Variants in FAM184A observed in about 807,000 individuals in gnomAD.
FAM184A encodes the protein protein FAM184A.
A neutral mutation model predicts 143.8 loss-of-function variants in FAM184A; 99 were observed. The observed-to-expected ratio is 0.69, with a 90% CI of 0.58 to 0.81. The LOEUF is 0.81. Among genes scored for constraint, FAM184A ranks in the 40% least tolerant of loss-of-function variants. The pLI is 0.00. For missense variants in FAM184A, 1,217 were observed against 1,310.5 expected, an observed-to-expected ratio of 0.93 and a Z score of 1.10; for synonymous variants, 427 against 446.4, an observed-to-expected ratio of 0.96 and a Z score of 0.55.
At chr6:119,038,198 TA>T (rs909683733) in intron 1 of FAM184A, among the ~76,000 whole-genome samples, 4 of 151,732 alleles carry the variant, frequency 2.6e-5, no homozygotes, top group African/African-American at 7.3e-5. Context: ...CCTACACTAG[TA>T]AAAAAAATAA....
chr6:119,022,847 C>T, intron 3 of FAM184A, 98 bp downstream of exon 3: 15 of 1,455,672 alleles, frequency 1.0e-5, no homozygotes, highest in Non-Finnish European at 1.3e-5. Flanking sequence ...ACTGCACTCC[C>T]GTCTGGGCGA....
intron 1 of FAM184A, among the ~76,000 whole-genome samples, chr6:119,122,924 GAAAAAAAAAAAAAAAAAAAAAAAAAAAA>G (rs766414096): frequency 2.8e-4 from 8 of 29,030 alleles, no homozygotes; most frequent in African/African-American, 9.1e-4. Context: ...GACCCTGTCT[GAAAAAAAAAAAAAAAAAAAAAAAAAAAA>G]AAAAAAAAAA....
At chr6:119,137,121 A>T (rs961022590) in intron 1 of FAM184A, among the ~76,000 whole-genome samples, 9 of 152,350 alleles carry the variant, frequency 5.9e-5, no homozygotes, top group African/African-American at 2.2e-4. Context: ...AGACTGTTTA[A>T]AGTAGAAATT....
intron 9 of FAM184A, among the ~76,000 whole-genome samples, chr6:118,985,313 C>A (rs1343933390): frequency 6.6e-6 from 1 of 152,224 alleles, no homozygotes; most frequent in Non-Finnish European, 1.5e-5. Flanking sequence ...GTAAGTATCA[C>A]ATAGAGAAAC....
rs183255840 is a variant in FAM184A at position 119,036,540 on chromosome 6, G to A, written c.160-11727C>T. ...TGGAGGTATCTTTGTGTATGGTAAT[G>A]TGGAATACATCTGTTTCCCCAGATT... On this transcript the variant is annotated intron_variant, in intron 1 of 17. Transcript: ENST00000338891. Among the ~76,000 whole-genome samples, 120 of 152,084 alleles carry A rather than the reference G, an allele frequency of 7.9e-4. 2 individuals carry two copies. The highest frequency in any genetic ancestry group is 3.4e-3 in the Middle Eastern group (1 of 294).
rs909601258 is a variant in FAM184A at position 118,979,384 on chromosome 6, A to G, written c.2436T>C (p.Asp812=). 1.2e-6 allele frequency: 2 copies of G among 1,611,174 alleles called. No homozygotes were observed. The highest frequency in any genetic ancestry group is 2.7e-5 in the African/African-American group (2 of 74,772). Residue 812 remains aspartate, a synonymous_variant, in exon 11 of 18, where the codon GAT becomes GAC. Coordinates refer to ENST00000338891, the MANE Select transcript of FAM184A (RefSeq NM_024581.6). ...ELQTLRFELE[D]EGKAMLASLR... ...AAATACCAAGCATAGCCTTTCCTTC[A>G]TCTTCTAATTCAAACCGAAGAGTCT...
chr6:118,999,220 T>C (rs1032346606), intron 9 of FAM184A, among the ~76,000 whole-genome samples: 2 of 152,200 alleles, frequency 1.3e-5, no homozygotes, highest in Non-Finnish European at 1.5e-5. Flanking sequence ...GTACATGGTA[T>C]CCATTCAAGA....
chr6:119,147,068 T>A (rs956281303), intron 1 of FAM184A, among the ~76,000 whole-genome samples: 4 of 123,576 alleles, frequency 3.2e-5, no homozygotes, highest in African/African-American at 1.2e-4. Context: ...GGCTCTGTTT[T>A]TTTTTTTTTT....
At chr6:119,041,976 T>TGCCACCATCTTGGAAGCGGCCC (rs1196477186) in intron 1 of FAM184A, among the ~76,000 whole-genome samples, 1 of 152,096 alleles carries the variant, frequency 6.6e-6, no homozygotes. Context: ...ACACGAGGCT[T>TGCCACCATCTTGGAAGCGGCCC]GCCACCATCT....
chr6:118,961,982 A>G lies in FAM184A; in HGVS notation c.3139-19T>C. ...TCTTTTGCTGCATTAAAAATAATACATGTGAGGATAGTCCCTGCATGAGGA... is the reference window on the plus strand; with the variant it reads ...TCTTTTGCTGCATTAAAAATAATACGTGTGAGGATAGTCCCTGCATGAGGA... On this transcript the variant is annotated intron_variant, in intron 16 of 17. Coordinates refer to ENST00000338891, the MANE Select transcript of FAM184A (RefSeq NM_024581.6). 6 of 1,603,944 alleles carry G rather than the reference A, an allele frequency of 3.7e-6. No individual in the cohort carries two copies. The highest frequency in any genetic ancestry group is 5.1e-6 in the Non-Finnish European group (6 of 1,170,884).
chr6:119,145,101 C>T (rs1341242895), intron 1 of FAM184A, among the ~76,000 whole-genome samples: 1 of 152,204 alleles, frequency 6.6e-6, no homozygotes, highest in Admixed American at 6.5e-5. Context: ...CTGGTTTGTT[C>T]TTGAGTGGCA....
chr6:119,042,322 T>C (rs1786369276), intron 1 of FAM184A, among the ~76,000 whole-genome samples: 1 of 152,226 alleles, frequency 6.6e-6, no homozygotes. Context: ...GGTAATCATG[T>C]GTCCACACTG....
intron 1 of FAM184A, among the ~76,000 whole-genome samples, chr6:119,147,109 G>A (rs188776834): frequency 7.3e-6 from 1 of 136,936 alleles, no homozygotes; most frequent in African/African-American, 2.8e-5. Context: ...CCTACAAAAT[G>A]TGCCACCCTA....
intron 1 of FAM184A, among the ~76,000 whole-genome samples, chr6:119,090,437 C>T (rs1264017920): frequency 6.6e-6 from 1 of 152,166 alleles, no homozygotes; most frequent in African/African-American, 2.4e-5. Flanking sequence ...GCAGAGAGAT[C>T]CAGCAGGTGC....
Position 118,975,169 on chromosome 6 carries a change from C to T in FAM184A, c.2623G>A (p.Glu875Lys). 1.2e-6 allele frequency: 2 copies of T among 1,609,946 alleles called. No homozygotes were observed. Among genetic ancestry groups the T allele is most frequent in the Non-Finnish European group, 1.7e-6 (2 of 1,177,986 alleles). ...ATGTGATGCTCTCTGTGTCTTAATT[C>T]CTCTTGTAGATCTGTAATTCTACAT... ...HICRITDLQE[E>K]LRHREHHISE... The change falls in exon 13 of 18, where the codon GAA (glutamate) becomes AAA (lysine). Residue 875 changes from glutamate to lysine, a missense_variant. Physicochemically the swap from Glu to Lys is moderately conservative, Grantham distance 56. Transcript: ENST00000338891.
chr6:118,983,505 T>C (rs557751349), intron 9 of FAM184A, among the ~76,000 whole-genome samples: 3 of 152,314 alleles, frequency 2.0e-5, no homozygotes, highest in Middle Eastern at 3.4e-3. Flanking sequence ...TCAAACTATA[T>C]ATTATATTCA....
chr6:119,056,588 C>T (rs1325712555), intron 1 of FAM184A, among the ~76,000 whole-genome samples: 1 of 152,166 alleles, frequency 6.6e-6, no homozygotes, highest in Non-Finnish European at 1.5e-5. Context: ...TCACTGAAAT[C>T]CTCAAGTAGC....
intron 1 of FAM184A, 141 bp from the exon 2 acceptor site, chr6:119,024,954 G>A: frequency 1.2e-6 from 1 of 813,006 alleles, no homozygotes; most frequent in Non-Finnish European, 1.9e-6. Flanking sequence ...GAATCTTGAT[G>A]CAATTGTTTT....
At chr6:119,121,002 G>T (rs541218078) in intron 1 of FAM184A, among the ~76,000 whole-genome samples, 1 of 149,728 alleles carries the variant, frequency 6.7e-6, no homozygotes, top group African/African-American at 2.5e-5. Context: ...TAGAGATGAA[G>T]TCTTGATATG....
Sources: allele counts gnomAD v4.1 joint callset (sites outside exome capture counted in the v4.1 genomes callset), GRCh38; gene constraint gnomAD v4.1.1; transcripts MANE v1.5; gene names NCBI Gene and HGNC (gene_info 2026-07-23, HGNC 2026-07-21).